The following ST6GAL2 variants were observed in gnomAD, a reference collection of about 807,000 sequenced individuals.
The protein encoded by ST6GAL2 is ST6 beta-galactoside alpha-2,6-sialyltransferase 2, also known as beta-galactoside alpha-2,6-sialyltransferase 2.
In ST6GAL2, 24 loss-of-function variants were observed where a neutral mutation model predicts 37.5. The observed-to-expected ratio is 0.64, with a 90% CI of 0.46 to 0.90. The LOEUF (loss-of-function observed/expected upper bound fraction) is 0.90. Among genes scored for constraint, ST6GAL2 ranks in the 40% least tolerant of loss-of-function variants. The pLI is 0.00. For missense variants in ST6GAL2, 715 were observed against 712.7 expected, an observed-to-expected ratio of 1.00 and a Z score of -0.04; for synonymous variants, 306 against 295.1, an observed-to-expected ratio of 1.04 and a Z score of -0.38.
At chr2:106,840,580 T>C (rs139955255) in intron 2 of ST6GAL2, among the ~76,000 whole-genome samples, 38 of 152,352 alleles carry the variant, frequency 2.5e-4, no homozygotes, top group African/African-American at 8.4e-4. Context: ...AGGCATGTTC[T>C]TCAGTTGTGA....
chr2:106,842,919 G>A (rs924851133), intron 2 of ST6GAL2, 116 bp downstream of exon 2: 1 of 642,354 alleles, frequency 1.6e-6, no homozygotes, highest in African/African-American at 1.9e-5. Flanking sequence ...AGGAACACCT[G>A]GTGCGGAGAC....
intron 5 of ST6GAL2, 129 bp downstream of exon 5, chr2:106,829,937 A>G (rs1408406011): frequency 2.2e-6 from 2 of 897,394 alleles, no homozygotes; most frequent in Non-Finnish European, 3.4e-6. Flanking sequence ...CCAAAATCAG[A>G]AATACTTCTG....
intron 1 of ST6GAL2, among the ~76,000 whole-genome samples, chr2:106,845,022 T>A (rs190413669): frequency 6.6e-6 from 1 of 152,182 alleles, no homozygotes; most frequent in East Asian, 1.9e-4. Context: ...CTAAGGTATG[T>A]TTGTGGAATA....
At chr2:106,855,306 T>C (rs1320748623) in intron 1 of ST6GAL2, among the ~76,000 whole-genome samples, 1 of 152,200 alleles carries the variant, frequency 6.6e-6, no homozygotes, top group Admixed American at 6.5e-5. Context: ...AGGCCCCACA[T>C]GGCATTTGTT....
chr2:106,870,159 T>C (rs1234624415), intron 1 of ST6GAL2, among the ~76,000 whole-genome samples: 1 of 152,110 alleles, frequency 6.6e-6, no homozygotes, highest in African/African-American at 2.4e-5. Context: ...ACCCACAGAA[T>C]GAGATTCTTC....
intron 1 of ST6GAL2, among the ~76,000 whole-genome samples, chr2:106,846,450 G>A (rs1677148759): frequency 6.6e-6 from 1 of 151,958 alleles, no homozygotes; most frequent in Non-Finnish European, 1.5e-5. Flanking sequence ...AGGTTCTAAT[G>A]GAAATGTTAA....
At chr2:106,837,001 T>C (rs1261312963) in intron 2 of ST6GAL2, among the ~76,000 whole-genome samples, 1 of 150,668 alleles carries the variant, frequency 6.6e-6, no homozygotes, top group Non-Finnish European at 1.5e-5. Context: ...ACCATGGAGT[T>C]CCCCAGTTTT....
intron 1 of ST6GAL2, among the ~76,000 whole-genome samples, chr2:106,875,171 TTTC>T (rs1678450307): frequency 7.0e-6 from 1 of 142,248 alleles, no homozygotes; most frequent in East Asian, 2.4e-4. Context: ...ACTTTTTTTG[TTTC>T]TTTTTTTTTT....
At position 106,843,195 on chromosome 2, in the gene ST6GAL2, C is replaced by T; in HGVS notation, c.783G>A (p.Val261=). The T allele has an allele frequency of 6.5e-7, 1 of 1,547,876 alleles. No homozygotes were observed. The highest frequency in any genetic ancestry group is 8.7e-7 in the Non-Finnish European group (1 of 1,146,868). ...LLCQLRSRAR[V]RTLDGTEAPF... is the part of the protein sequence containing the mutation. The stretch of plus-strand genomic sequence containing the variant: ...GCGCCTCGGTGCCGTCCAGCGTCCG[C>T]ACGCGCGCGCGGCTCCGCAGCTGGC... The change falls in exon 2 of 6, where the codon GTG becomes GTA. Residue 261 remains valine, a synonymous_variant. Transcript: ENST00000409382.
At chr2:106,831,335 T>C (rs1432084496) in intron 4 of ST6GAL2, among the ~76,000 whole-genome samples, 5 of 152,210 alleles carry the variant, frequency 3.3e-5, no homozygotes, top group Non-Finnish European at 5.9e-5. Context: ...ATTTTAGCAC[T>C]GCTGGGTGGC....
At chr2:106,862,688 G>T (rs1408893715) in intron 1 of ST6GAL2, among the ~76,000 whole-genome samples, 3 of 151,938 alleles carry the variant, frequency 2.0e-5, no homozygotes, top group East Asian at 1.9e-4. Context: ...TCCCAATTCT[G>T]CAATAAAACA....
intron 1 of ST6GAL2, among the ~76,000 whole-genome samples, chr2:106,858,534 G>A (rs1263113157): frequency 1.3e-5 from 2 of 152,252 alleles, no homozygotes; most frequent in East Asian, 3.9e-4. Context: ...AGTGAAGAAG[G>A]AAGGTCAAAA....
chr2:106,869,949 G>A (rs1342533953), intron 1 of ST6GAL2, among the ~76,000 whole-genome samples: 6 of 152,170 alleles, frequency 3.9e-5, no homozygotes, highest in African/African-American at 7.2e-5. Flanking sequence ...TGGAGACTGC[G>A]ATGAGGCTAG....
intron 5 of ST6GAL2, among the ~76,000 whole-genome samples, chr2:106,818,992 C>T (rs1278210556): frequency 6.6e-6 from 1 of 151,798 alleles, no homozygotes; most frequent in African/African-American, 2.4e-5. Flanking sequence ...ATTATTCAAG[C>T]AGAAGAAAGA....
At chr2:106,808,019 C>G (rs779075892) in intron 5 of ST6GAL2, among the ~76,000 whole-genome samples, 1 of 152,192 alleles carries the variant, frequency 6.6e-6, no homozygotes, top group East Asian at 1.9e-4. Context: ...AAAAAGACAT[C>G]TCTTTTCTGA....
chr2:106,882,137 T>C (rs148934478), intron 1 of ST6GAL2, among the ~76,000 whole-genome samples: 1 of 152,366 alleles, frequency 6.6e-6, no homozygotes, highest in African/African-American at 2.4e-5. Context: ...ACATGCTTTC[T>C]GTATACATGG....
intron 5 of ST6GAL2, among the ~76,000 whole-genome samples, chr2:106,813,568 T>C (rs766186011): frequency 5.3e-5 from 8 of 152,242 alleles, no homozygotes; most frequent in Non-Finnish European, 1.0e-4. Flanking sequence ...GAGTCTAGTA[T>C]AATCATTTAG....
rs186402434 is a variant in ST6GAL2, at chr2:106,885,558, C to A, written c.-58+535G>T. 2.9e-4 allele frequency among the ~76,000 whole-genome samples: 44 copies of A among 152,182 alleles called. No homozygotes were observed. In the East Asian group the frequency reaches 7.4e-3, roughly 26 times the overall value. ...TTCACTCAGTCCCCCAACACAGAAC[C>A]GGCAAATCCGAATGAGATGGACGTC... On this transcript the variant is annotated intron_variant, in intron 1 of 5. Coordinates refer to ENST00000409382, the MANE Select transcript of ST6GAL2 (RefSeq NM_001142351.2).
At chr2:106,870,032 G>A (rs182928954) in intron 1 of ST6GAL2, among the ~76,000 whole-genome samples, 1 of 152,262 alleles carries the variant, frequency 6.6e-6, no homozygotes, top group African/African-American at 2.4e-5. Context: ...ACGTACCTGG[G>A]GTCTGTCTGC....
Sources: allele counts gnomAD v4.1 joint callset (sites outside exome capture counted in the v4.1 genomes callset), GRCh38; gene constraint gnomAD v4.1.1; transcripts MANE v1.5; gene names NCBI Gene and HGNC (gene_info 2026-07-23, HGNC 2026-07-21).